AFAP1L2: variants seen among roughly 807,000 people sequenced by gnomAD.
AFAP1L2 encodes actin filament-associated protein 1-like 2.
Under a neutral mutation model 99.3 loss-of-function variants are expected in AFAP1L2, and 46 were observed. The ratio of observed to expected loss-of-function variants is 0.46; its 90% CI spans 0.37 to 0.59. The LOEUF (loss-of-function observed/expected upper bound fraction) is 0.59, where lower values mean the gene tolerates loss of function less well. Ranked by LOEUF, AFAP1L2 falls within the 20% of genes least tolerant of loss-of-function variation. AFAP1L2 has a pLI of 0.00. For missense variants in AFAP1L2, 959 were observed against 1,034.9 expected (o/e 0.93, Z 1.01); for synonymous variants, 397 against 419.1 (o/e 0.95, Z 0.64).
Position 114,315,608 on chromosome 10 carries a change from C to G in AFAP1L2, c.564G>C (p.Leu188=). The change falls in exon 6 of 19, where the codon CTG becomes CTC. Residue 188 remains leucine, a synonymous_variant. Coordinates refer to ENST00000304129, the MANE Select transcript of AFAP1L2 (RefSeq NM_001001936.3). ...ICAFLWRKKW[L]GQWAKQLCVI... is the part of the protein sequence containing the mutation. ...CACAGAGCTGCTTGGCCCACTGTCC[C>G]AGCCACTTCTTGCGCCACAGGAAGG... The G allele has an allele frequency of 6.2e-7, 1 of 1,614,170 alleles. No individual in the cohort carries two copies. The highest frequency in any genetic ancestry group is 2.2e-5 in the East Asian group (1 of 44,882).
chr10:114,296,028 A>G lies in AFAP1L2; in HGVS notation c.*14T>C, dbSNP rs1460700547. The stretch of plus-strand genomic sequence containing the variant: ...TCCACATTGACATGAGAGTCTTTAG[A>G]TGAAGCTTGTTTTCTAACTTGCTCC... On this transcript the variant is annotated 3_prime_UTR_variant, in exon 19 of 19. Transcript: ENST00000304129. The G allele has an allele frequency of 4.3e-6, 7 of 1,614,038 alleles. No homozygotes were observed. Among genetic ancestry groups the G allele is most frequent in the Non-Finnish European group, 5.9e-6 (7 of 1,180,010 alleles).
At position 114,331,914 on chromosome 10, in the gene AFAP1L2, G is replaced by C; in HGVS notation, c.221-17C>G. On this transcript the variant is annotated splice_polypyrimidine_tract_variant and intron_variant, in intron 3 of 18. Transcript: ENST00000304129. ...CCTCAGGCGCTGCGGGCAGCAAAAGGAAAAGGCTTCGGTGAGGGGTGACCA... is the reference window on the plus strand; with the variant it reads ...CCTCAGGCGCTGCGGGCAGCAAAAGCAAAAGGCTTCGGTGAGGGGTGACCA... 1 of 1,288,890 alleles carries C rather than the reference G, an allele frequency of 7.8e-7. No individual in the cohort carries two copies. The allele number at this position is 1,288,890 out of a possible 1,614,324, so 79.8% of individuals were successfully genotyped here.
intron 1 of AFAP1L2, among the ~76,000 whole-genome samples, chr10:114,381,425 C>A (rs2055603259): frequency 6.6e-6 from 1 of 152,058 alleles, no homozygotes; most frequent in Admixed American, 6.5e-5. Context: ...ATAAAAGGTA[C>A]AAGGTTTTTT....
downstream of AFAP1L2, chr10:114,291,393 C>A (rs1459011375): frequency 1.1e-5 from 9 of 836,534 alleles, no homozygotes; most frequent in Non-Finnish European, 1.6e-5. Flanking sequence ...ACTATTCTCA[C>A]TGAGGGAGGA....
intron 2 of AFAP1L2, among the ~76,000 whole-genome samples, chr10:114,340,069 G>A (rs910462744): frequency 4.7e-5 from 7 of 149,268 alleles, no homozygotes; most frequent in African/African-American, 1.5e-4. Context: ...GGTGGCTCAC[G>A]CCTGTAATCC....
intron 1 of AFAP1L2, among the ~76,000 whole-genome samples, chr10:114,384,347 A>G (rs1023616924): frequency 2.0e-5 from 3 of 148,182 alleles, no homozygotes; most frequent in African/African-American, 7.5e-5. Flanking sequence ...GCAAGTGATG[A>G]ACCAACTTCA....
At chr10:114,389,649 C>T (rs1428601141) in intron 1 of AFAP1L2, among the ~76,000 whole-genome samples, 3 of 152,170 alleles carry the variant, frequency 2.0e-5, no homozygotes, top group Non-Finnish European at 4.4e-5. Context: ...CTATGAAAAG[C>T]CAGCCCTACC....
At chr10:114,281,891 C>T in the AFAP1L2 span, 1 of 231,514 alleles carries the variant, frequency 4.3e-6, no homozygotes, top group Non-Finnish European at 7.1e-6. Flanking sequence ...GCCCAGTTCC[C>T]AATATTTCTC....
chr10:114,388,971 G>A (rs565623409), intron 1 of AFAP1L2, among the ~76,000 whole-genome samples: 1 of 152,240 alleles, frequency 6.6e-6, no homozygotes, highest in African/African-American at 2.4e-5. Flanking sequence ...CAACATCCAG[G>A]GCATGAGAAA....
chr10:114,290,222 T>G, downstream of AFAP1L2: 1 of 1,550,086 alleles, frequency 6.5e-7, no homozygotes, highest in Non-Finnish European at 8.7e-7. Flanking sequence ...CTGGTGGGTA[T>G]GGTGTTCTCC....
Position 114,301,415 on chromosome 10 carries a change from G to A in AFAP1L2, c.1481C>T (p.Pro494Leu), listed in dbSNP as rs762524421. The part of the protein sequence containing the change: ...SEPNTYIDGL[P>L]SQDRQEELYD... The stretch of plus-strand genomic sequence containing the variant: ...CAGCTCCTCCTGGCGGTCCTGGCTA[G>A]GCAGGCCATCGATGTAAGTGTTGGG... The change falls in exon 13 of 19, where the codon CCT (proline) becomes CTT (leucine). Residue 494 changes from proline to leucine, a missense_variant. Physicochemically the swap from Pro to Leu is moderately conservative, Grantham distance 98 (BLOSUM62 -3). Around this residue, in one of 2 missense-constraint regions of AFAP1L2, gnomAD observed 576 missense variants for 562.1 expected, o/e 1.02. Coordinates refer to ENST00000304129, the MANE Select transcript of AFAP1L2 (RefSeq NM_001001936.3). 68 of 1,614,110 alleles carry A rather than the reference G, an allele frequency of 4.2e-5. No homozygotes were observed. Among genetic ancestry groups the A allele is most frequent in the Non-Finnish European group, 5.6e-5 (66 of 1,180,032 alleles).
At chr10:114,355,727 T>G (rs1210428878) in intron 1 of AFAP1L2, among the ~76,000 whole-genome samples, 1 of 152,132 alleles carries the variant, frequency 6.6e-6, no homozygotes, top group Non-Finnish European at 1.5e-5. Flanking sequence ...ACCCCAGCAC[T>G]TTGGGGGACC....
At chr10:114,332,211 G>T (rs1191004163) in intron 3 of AFAP1L2, among the ~76,000 whole-genome samples, 2 of 152,150 alleles carry the variant, frequency 1.3e-5, no homozygotes, top group Non-Finnish European at 1.5e-5. Context: ...ACTATATTGA[G>T]CCACTCTCAG....
intron 16 of AFAP1L2, among the ~76,000 whole-genome samples, chr10:114,297,963 G>C (rs1226084374): frequency 6.6e-5 from 10 of 152,202 alleles, no homozygotes; most frequent in Admixed American, 6.5e-4. Flanking sequence ...GTACCACATA[G>C]AGTCCTGAGC....
chr10:114,313,057 G>A (rs1025448615), intron 7 of AFAP1L2, among the ~76,000 whole-genome samples: 1 of 151,970 alleles, frequency 6.6e-6, no homozygotes, highest in African/African-American at 2.4e-5. Flanking sequence ...GGCAGGTGGA[G>A]TGGGGTGGGG....
At chr10:114,286,332 C>T in the AFAP1L2 span, 7 of 1,612,984 alleles carry the variant, frequency 4.3e-6, no homozygotes, top group Middle Eastern at 5.0e-4. Context: ...GTTGCGGGCC[C>T]AGCGCGTCAC....
At chr10:114,391,562 T>C (rs1042213811) in intron 1 of AFAP1L2, among the ~76,000 whole-genome samples, 1 of 152,176 alleles carries the variant, frequency 6.6e-6, no homozygotes, top group Non-Finnish European at 1.5e-5. Context: ...ACACGTGAGA[T>C]TAGTGCTGTG....
intron 1 of AFAP1L2, among the ~76,000 whole-genome samples, chr10:114,348,083 A>G (rs75507614): frequency 0.016 from 2,387 of 152,236 alleles, 24 homozygotes; most frequent in South Asian, 0.036. Context: ...TTCCCTTAGC[A>G]TTATGTTTTC....
At chr10:114,292,133 C>T (rs1291172324), downstream of AFAP1L2, among the ~76,000 whole-genome samples, 2 of 151,814 alleles carry the variant, frequency 1.3e-5, no homozygotes, top group South Asian at 2.1e-4. Flanking sequence ...AAAAGGTAGC[C>T]GGGGGTGGTG....
Sources: allele counts gnomAD v4.1 joint callset (sites outside exome capture counted in the v4.1 genomes callset), GRCh38; gene constraint gnomAD v4.1.1; regional missense constraint gnomAD v4.1.1; transcripts MANE v1.5; gene names NCBI Gene and HGNC (gene_info 2026-07-23, HGNC 2026-07-21).